The following LPP variants were observed in gnomAD, a reference collection of about 807,000 sequenced individuals.
LPP encodes the protein lipoma-preferred partner.
LPP carries 38 observed loss-of-function variants against 60.4 expected under a neutral mutation model. The ratio of observed to expected loss-of-function variants is 0.63; its 90% CI spans 0.49 to 0.83. LPP has a LOEUF of 0.83. Ranked by LOEUF, LPP falls within the 40% of genes least tolerant of loss-of-function variation. LPP has a pLI of 0.00. For synonymous variants in LPP, 328 were observed against 290.8 expected, an observed-to-expected ratio of 1.13 and a Z score of -1.30; for missense variants, 902 against 783.6, an observed-to-expected ratio of 1.15 and a Z score of -1.80.
chr3:188,267,926 T>A lies in LPP; in HGVS notation c.-67+42399T>A, dbSNP rs531022985. On this transcript the variant is annotated intron_variant, in intron 2 of 11. Transcript: ENST00000617246. ...GTTCTTACACTCAGCTGAGTGGTAGTCCTGCCACCATTGCTGTGGCTCTGG... is the reference window on the plus strand; with the variant it reads ...GTTCTTACACTCAGCTGAGTGGTAGACCTGCCACCATTGCTGTGGCTCTGG... Among the ~76,000 whole-genome samples, 103 of 152,174 alleles carry A rather than the reference T, an allele frequency of 6.8e-4. 1 individual carries two copies. The highest frequency in any genetic ancestry group is 2.4e-3 in the African/African-American group (99 of 41,520).
intron 3 of LPP, among the ~76,000 whole-genome samples, chr3:188,377,045 C>T (rs1462843355): frequency 1.3e-5 from 2 of 152,240 alleles, no homozygotes; most frequent in Non-Finnish European, 1.5e-5. Flanking sequence ...CCGCTCTCTT[C>T]TGGCTTGTAG....
At chr3:188,180,537 T>G (rs763806398) in intron 1 of LPP, 1 of 154,404 alleles carries the variant, frequency 6.5e-6, no homozygotes, top group Non-Finnish European at 1.5e-5. Flanking sequence ...TTACTATGTG[T>G]GGTATTTTTG....
intron 8 of LPP, among the ~76,000 whole-genome samples, chr3:188,745,672 T>A (rs1378551190): frequency 3.3e-5 from 5 of 152,158 alleles, no homozygotes; most frequent in South Asian, 4.1e-4. Flanking sequence ...CAAACTTTTT[T>A]AAGTTGATAA....
intron 3 of LPP, among the ~76,000 whole-genome samples, chr3:188,384,909 C>A (rs1777884702): frequency 6.6e-6 from 1 of 151,634 alleles, no homozygotes; most frequent in Non-Finnish European, 1.5e-5. Context: ...CATCTTGCTG[C>A]TGTCCCTCGT....
At chr3:188,630,798 G>A (rs559807968) in intron 7 of LPP, among the ~76,000 whole-genome samples, 10 of 152,042 alleles carry the variant, frequency 6.6e-5, no homozygotes, top group Non-Finnish European at 1.5e-4. Context: ...TAATAGACTG[G>A]GTAAAGAAAA....
chr3:188,567,693 C>T, intron 6 of LPP, among the ~76,000 whole-genome samples: 1 of 151,850 alleles, frequency 6.6e-6, no homozygotes, highest in East Asian at 1.9e-4. Flanking sequence ...CTTATAGTTC[C>T]TGGTCTTTGA....
chr3:188,762,772 T>C (rs1481035985), intron 9 of LPP, among the ~76,000 whole-genome samples: 1 of 152,244 alleles, frequency 6.6e-6, no homozygotes, highest in East Asian at 1.9e-4. Flanking sequence ...TAACCATTTT[T>C]TTTTTTTTAC....
chr3:188,741,640 A>G (rs1368846206), intron 8 of LPP, among the ~76,000 whole-genome samples: 1 of 151,844 alleles, frequency 6.6e-6, no homozygotes, highest in East Asian at 1.9e-4. Context: ...ATATTATGGA[A>G]CAAACACATA....
chr3:188,650,470 G>A (rs1851869095), intron 7 of LPP, among the ~76,000 whole-genome samples: 1 of 152,120 alleles, frequency 6.6e-6, no homozygotes, highest in South Asian at 2.1e-4. Flanking sequence ...CTCTTTTCTT[G>A]GTGATTAGAC....
At chr3:188,203,589 A>ATATATTTAAATATATATATATT (rs1553811398) in intron 1 of LPP, among the ~76,000 whole-genome samples, 1 of 97,732 alleles carries the variant, frequency 1.0e-5, no homozygotes, top group Non-Finnish European at 1.9e-5. Context: ...ATATATATAT[A>ATATATTTAAATATATATATATT]TTTAAATATA....
At chr3:188,459,570 T>A (rs1196391357) in intron 4 of LPP, among the ~76,000 whole-genome samples, 1 of 152,202 alleles carries the variant, frequency 6.6e-6, no homozygotes, top group Non-Finnish European at 1.5e-5. Context: ...ACATATTTCC[T>A]TTTTAGTATT....
Position 188,700,375 on chromosome 3 carries a change from G to T in LPP, c.1114-7892G>T, listed in dbSNP as rs557049376. 5.9e-5 allele frequency among the ~76,000 whole-genome samples: 9 copies of T among 152,302 alleles called. No individual in the cohort carries two copies. In the South Asian group the frequency reaches 8.3e-4, roughly 14 times the overall value. ...CAGAGGAACTCAGGGGGCTGACATT[G>T]CGACAGATAGTGGGTATCCATTTTG... is the stretch of plus-strand genomic sequence containing the variant. On this transcript the variant is annotated intron_variant, in intron 7 of 11. Coordinates refer to ENST00000617246, the MANE Select transcript of LPP (RefSeq NM_001375462.1).
At chr3:188,532,767 G>T (rs1162259780) in intron 6 of LPP, among the ~76,000 whole-genome samples, 1 of 152,100 alleles carries the variant, frequency 6.6e-6, no homozygotes, top group Non-Finnish European at 1.5e-5. Flanking sequence ...CAAGCTACAA[G>T]AAATAAGATG....
At chr3:188,240,169 T>C (rs1723502343) in intron 2 of LPP, 1 of 183,400 alleles carries the variant, frequency 5.5e-6, no homozygotes, top group Non-Finnish European at 1.2e-5. Flanking sequence ...CAAGGTGGGG[T>C]TTATGTGTAA....
At chr3:188,639,281 A>C (rs1419168243) in intron 7 of LPP, among the ~76,000 whole-genome samples, 2 of 150,436 alleles carry the variant, frequency 1.3e-5, no homozygotes, top group African/African-American at 2.4e-5. Flanking sequence ...TTCCCTATTT[A>C]ATAAATGGTG....
intron 2 of LPP, among the ~76,000 whole-genome samples, chr3:188,276,889 CTTTTCTTTTTTT>C (rs1486194951): frequency 2.3e-4 from 14 of 60,162 alleles, no homozygotes; most frequent in African/African-American, 7.0e-4. Context: ...CACTTCTTTT[CTTTTCTTTTTTT>C]TTTTTTTTTT....
intron 2 of LPP, among the ~76,000 whole-genome samples, chr3:188,328,537 C>T (rs751931205): frequency 1.2e-4 from 18 of 152,202 alleles, no homozygotes; most frequent in African/African-American, 3.9e-4. Flanking sequence ...TTCCTTGAAA[C>T]GATAAGCTCT....
intron 6 of LPP, among the ~76,000 whole-genome samples, chr3:188,606,351 C>T (rs1842369940): frequency 6.6e-6 from 1 of 152,172 alleles, no homozygotes; most frequent in Non-Finnish European, 1.5e-5. Flanking sequence ...ATCTTTTCCA[C>T]ATATCATTTG....
At chr3:188,177,663 G>A (rs1280148283) in intron 1 of LPP, among the ~76,000 whole-genome samples, 11 of 152,134 alleles carry the variant, frequency 7.2e-5, no homozygotes, top group Admixed American at 7.2e-4. Flanking sequence ...AGTAATGATG[G>A]TAATTATGCT....
Sources: gnomAD v4.1 joint callset for allele counts (sites outside exome capture counted in the v4.1 genomes callset) on GRCh38, gnomAD v4.1.1 for gene constraint, MANE v1.5 for transcripts, NCBI Gene and HGNC (gene_info 2026-07-23, HGNC 2026-07-21) for gene names.